WNT2: variants seen among roughly 807,000 people sequenced by gnomAD.
WNT2 encodes the protein protein Wnt-2.
WNT2 carries 12 observed loss-of-function variants against 36.9 expected under a neutral mutation model. That is an observed-to-expected ratio of 0.33 (90% CI 0.21 to 0.53). The LOEUF is 0.53. Among genes scored for constraint, WNT2 ranks in the 20% least tolerant of loss-of-function variants. The pLI, the probability that WNT2 is intolerant of heterozygous loss-of-function variation, is 0.95. For missense variants in WNT2, 379 were observed against 473.1 expected, an observed-to-expected ratio of 0.80 and a Z score of 1.84; for synonymous variants, 163 against 174.6, an observed-to-expected ratio of 0.93 and a Z score of 0.52.
chr7:117,292,206 C>A (rs1794702312), intron 4 of WNT2, among the ~76,000 whole-genome samples: 1 of 152,042 alleles, frequency 6.6e-6, no homozygotes, highest in Non-Finnish European at 1.5e-5. Flanking sequence ...TACTTTTGAC[C>A]TCCCCTCTTT....
At chr7:117,290,945 C>A (rs1472812677) in intron 4 of WNT2, among the ~76,000 whole-genome samples, 1 of 152,160 alleles carries the variant, frequency 6.6e-6, no homozygotes, top group Non-Finnish European at 1.5e-5. Context: ...AAGTAAGATC[C>A]ACCCATTGCT....
rs1254993710 is a variant in WNT2 at position 117,284,627 on chromosome 7, C to T, written c.854-6243G>A. On this transcript the variant is annotated intron_variant, in intron 4 of 4. Transcript: ENST00000265441. This position sits in a 1 kb window ranked among gnomAD's most constrained non-coding sequence, Gnocchi z 5.2. ...GTGAAAGTTCATTCATCCTTTCTCA[C>T]TTTTTTTTCCCATTCCTTCTTCTTC... Among the ~76,000 whole-genome samples, 1 of 152,060 alleles carries T rather than the reference C, an allele frequency of 6.6e-6. No homozygotes were observed. The highest frequency in any genetic ancestry group is 1.5e-5 in the Non-Finnish European group (1 of 68,006).
intron 3 of WNT2, among the ~76,000 whole-genome samples, chr7:117,308,191 T>G (rs1272284838): frequency 2.0e-5 from 3 of 152,178 alleles, no homozygotes; most frequent in Non-Finnish European, 4.4e-5. Flanking sequence ...GAAGAAAAAT[T>G]TATTAAAAAT....
chr7:117,321,361 T>G (rs1419433103), intron 1 of WNT2, among the ~76,000 whole-genome samples: 1 of 152,260 alleles, frequency 6.6e-6, no homozygotes, highest in Non-Finnish European at 1.5e-5. Flanking sequence ...TTTAAATATT[T>G]CCATTTTGTA....
chr7:117,310,608 G>C (rs79759032), intron 3 of WNT2, among the ~76,000 whole-genome samples: 1 of 144,146 alleles, frequency 6.9e-6, no homozygotes, highest in Non-Finnish European at 1.5e-5. Context: ...AAAAAAAAAG[G>C]GCTCTCCAGA....
intron 4 of WNT2, 80 bp from the exon 5 acceptor site, chr7:117,278,464 C>T: frequency 7.2e-7 from 1 of 1,379,626 alleles, no homozygotes; most frequent in Non-Finnish European, 9.9e-7. Flanking sequence ...TCACGAGGTC[C>T]ATCCTCCAGG....
chr7:117,275,547 G>C lies in WNT2; in HGVS notation c.*2608C>G, dbSNP rs1003823430. ...CAATTTATAGTAAGATTTTAATAAA[G>C]AGGGAATTTATAAGGGGATTTCCCA... On this transcript the variant is annotated 3_prime_UTR_variant, in exon 5 of 5. Transcript: ENST00000265441. Among the ~76,000 whole-genome samples the C allele has an allele frequency of 6.6e-6, 1 of 152,166 alleles. No individual in the cohort carries two copies. Among genetic ancestry groups the C allele is most frequent in the African/African-American group, 2.4e-5 (1 of 41,434 alleles).
At chr7:117,298,963 C>A (rs1334868045) in intron 3 of WNT2, among the ~76,000 whole-genome samples, 1 of 152,176 alleles carries the variant, frequency 6.6e-6, no homozygotes, top group African/African-American at 2.4e-5. Flanking sequence ...TCCCACTTTA[C>A]CCCCACCTCC....
At chr7:117,278,507 G>A in intron 4 of WNT2, 123 bp from the exon 5 acceptor site, 2 of 944,208 alleles carry the variant, frequency 2.1e-6, no homozygotes, top group Non-Finnish European at 3.1e-6. Context: ...CTACAGCCTG[G>A]GGCTGTTATA....
intron 4 of WNT2, among the ~76,000 whole-genome samples, chr7:117,292,813 A>G (rs1794715301): frequency 1.3e-5 from 2 of 152,216 alleles, no homozygotes; most frequent in African/African-American, 2.4e-5. Context: ...ATGTTTATTT[A>G]GAGTTATCTA....
At chr7:117,305,843 G>T (rs780526683) in intron 3 of WNT2, among the ~76,000 whole-genome samples, 5 of 152,158 alleles carry the variant, frequency 3.3e-5, no homozygotes, top group Non-Finnish European at 7.3e-5. Flanking sequence ...CAGGACACTG[G>T]CTCTTATGCT....
At chr7:117,309,342 C>T (rs1246365744) in intron 3 of WNT2, among the ~76,000 whole-genome samples, 1 of 152,128 alleles carries the variant, frequency 6.6e-6, no homozygotes, top group Non-Finnish European at 1.5e-5. Flanking sequence ...CCAGGTAGGC[C>T]ATGCTCAGGG....
intron 4 of WNT2, among the ~76,000 whole-genome samples, chr7:117,283,610 T>C (rs933153377): frequency 2.6e-5 from 4 of 152,162 alleles, no homozygotes; most frequent in Admixed American, 2.0e-4. Context: ...GTCCCCCAGA[T>C]GCAGAAAACT....
Position 117,277,990 on chromosome 7 carries a change from G to GC in WNT2, c.*164dup, listed in dbSNP as rs909809267. 46 of 681,770 alleles carry GC rather than the reference G, an allele frequency of 6.7e-5. No individual in the cohort carries two copies. The highest frequency in any genetic ancestry group is 2.7e-4 in the South Asian group (14 of 52,620). The allele number at this position is 681,770 out of a possible 1,614,324, so 42.2% of individuals were successfully genotyped here. A position where few individuals can be genotyped will look rare whatever the true frequency, so the allele number is the denominator to read the frequency against. On this transcript the variant is annotated 3_prime_UTR_variant, in exon 5 of 5. Transcript: ENST00000265441. ...GGGTAGGCTTTAGGTGCAGCGTGTG[G>GC]CCCCCCCATCCTGGGGCCCCCAGGG...
chr7:117,280,365 A>G (rs1200956458), intron 4 of WNT2, among the ~76,000 whole-genome samples: 3 of 152,230 alleles, frequency 2.0e-5, no homozygotes, highest in East Asian at 1.9e-4. Context: ...GTAAACATTT[A>G]GTGAACATAA....
intron 4 of WNT2, among the ~76,000 whole-genome samples, chr7:117,292,293 T>TCA (rs58179910): frequency 0.026 from 3,872 of 146,834 alleles, 113 homozygotes; most frequent in African/African-American, 0.07. Flanking sequence ...CCAACCACAC[T>TCA]CACACACACA....
At chr7:117,287,384 T>C (rs1453230379) in intron 4 of WNT2, among the ~76,000 whole-genome samples, 4 of 152,092 alleles carry the variant, frequency 2.6e-5, no homozygotes, top group East Asian at 1.9e-4. Flanking sequence ...ATCTGCTGCA[T>C]TGGCCTTTCC....
rs1562831116 is a variant in WNT2 at position 117,315,059 on chromosome 7, G to GC, written c.588+11dup. ...TGCAGCCTACAAAATGAGCACCGTT[G>GC]CATTTCCATACCTTCCTGCCAGCTC... On this transcript the variant is annotated intron_variant, in intron 3 of 4. Coordinates refer to ENST00000265441, the MANE Select transcript of WNT2 (RefSeq NM_003391.3). 8 of 1,612,958 alleles carry GC rather than the reference G, an allele frequency of 5.0e-6. No homozygotes were observed. Among genetic ancestry groups the GC allele is most frequent in the Non-Finnish European group, 6.8e-6 (8 of 1,179,284 alleles).
At chr7:117,316,835 AG>A (rs537189672) in intron 2 of WNT2, among the ~76,000 whole-genome samples, 109 of 152,326 alleles carry the variant, frequency 7.2e-4, no homozygotes, top group Non-Finnish European at 1.4e-3. Flanking sequence ...GATGGTTACG[AG>A]AGCTGTTTTA....
Sources: allele counts gnomAD v4.1 joint callset (sites outside exome capture counted in the v4.1 genomes callset), GRCh38; gene constraint gnomAD v4.1.1; non-coding constraint Gnocchi (gnomAD v3.1); transcripts MANE v1.5; gene names NCBI Gene and HGNC (gene_info 2026-07-23, HGNC 2026-07-21).